CCDC171: variants seen among roughly 807,000 people sequenced by gnomAD.
CCDC171 encodes coiled-coil domain-containing protein 171.
Under a neutral mutation model 168.2 loss-of-function variants are expected in CCDC171, and 177 were observed. The ratio of observed to expected loss-of-function variants is 1.05; its 90% CI spans 0.93 to 1.19. CCDC171 has a LOEUF of 1.19. CCDC171 is among the 50% of genes most tolerant of loss of function. CCDC171 has a pLI of 0.00. For synonymous variants in CCDC171, 687 were observed against 540.8 expected, an observed-to-expected ratio of 1.27 and a Z score of -3.75; for missense variants, 1,991 against 1,539.0, an observed-to-expected ratio of 1.29 and a Z score of -4.91.
chr9:15,612,533 C>T (rs1301475502), intron 6 of CCDC171, among the ~76,000 whole-genome samples: 1 of 152,146 alleles, frequency 6.6e-6, no homozygotes, highest in Non-Finnish European at 1.5e-5. Context: ...ACTGCAGTCT[C>T]ACTTTTCATC....
chr9:15,650,150 C>G (rs551163476), intron 7 of CCDC171, among the ~76,000 whole-genome samples: 170 of 152,170 alleles, frequency 1.1e-3, no homozygotes, highest in African/African-American at 3.8e-3. Context: ...ATTGCAAGGA[C>G]AAAAAACCAA....
chr9:15,860,849 G>A (rs2130968205), intron 23 of CCDC171, among the ~76,000 whole-genome samples: 1 of 151,682 alleles, frequency 6.6e-6, no homozygotes, highest in East Asian at 1.9e-4. Context: ...GGGTAATGAA[G>A]TCTCCTACTA....
chr9:15,790,024 G>C (rs140321462), intron 21 of CCDC171, among the ~76,000 whole-genome samples: 8 of 152,026 alleles, frequency 5.3e-5, no homozygotes, highest in African/African-American at 4.8e-5. Context: ...GGGTTGGTTC[G>C]AAGTCTTTGC....
At chr9:15,605,688 A>G (rs2043176358) in intron 6 of CCDC171, among the ~76,000 whole-genome samples, 1 of 151,366 alleles carries the variant, frequency 6.6e-6, no homozygotes, top group Non-Finnish European at 1.5e-5. Context: ...CTCTGTCAAA[A>G]AAAAAAAAAG....
In CCDC171 at chr9:15,744,481, AT is replaced by A. The variant is rs1564328966; in HGVS notation, c.2262del (p.Leu755SerfsTer18). On this transcript the variant is annotated frameshift_variant, in exon 17 of 26. Transcript: ENST00000380701. LOFTEE classifies it high-confidence loss of function. ...TCATGCGCCTTGTCTACACAGAGAG[AT>A]TTTCTCCAGGAGCAGGTCAACACCT... The part of the protein sequence containing the change: ...SRSCALSTQR[D>X]FLQEQVNTFE... 6.2e-7 allele frequency: 1 copy of A among 1,614,126 alleles called. No homozygotes were observed. Among genetic ancestry groups the A allele is most frequent in the Non-Finnish European group, 8.5e-7 (1 of 1,180,016 alleles).
downstream of CCDC171, among the ~76,000 whole-genome samples, chr9:15,974,983 G>A (rs974275133): frequency 2.6e-5 from 4 of 151,922 alleles, no homozygotes; most frequent in African/African-American, 7.3e-5. Context: ...TGCCCAGGCC[G>A]GTCTTGAACT....
intron 25 of CCDC171, among the ~76,000 whole-genome samples, chr9:15,961,797 C>G (rs1339059345): frequency 6.6e-6 from 1 of 151,950 alleles, no homozygotes; most frequent in Non-Finnish European, 1.5e-5. Flanking sequence ...AACGTACTTA[C>G]TGTAGGTAAT....
intron 21 of CCDC171, among the ~76,000 whole-genome samples, chr9:15,837,683 C>T (rs990663092): frequency 6.6e-6 from 1 of 152,102 alleles, no homozygotes; most frequent in African/African-American, 2.4e-5. Flanking sequence ...TAGTTGTGAG[C>T]CTTCATCTTT....
At chr9:15,656,025 T>C (rs892691156) in intron 7 of CCDC171, among the ~76,000 whole-genome samples, 3 of 152,120 alleles carry the variant, frequency 2.0e-5, no homozygotes, top group Non-Finnish European at 4.4e-5. Flanking sequence ...GGCAGTTTCA[T>C]AATATTCAAT....
chr9:16,061,894 A>G (rs544877289), downstream of CCDC171, among the ~76,000 whole-genome samples: 4 of 152,292 alleles, frequency 2.6e-5, no homozygotes, highest in South Asian at 4.1e-4. Context: ...CAGAACTCCA[A>G]ATCCCTGGTT....
At chr9:16,076,881 T>G in the CCDC171 span, among the ~76,000 whole-genome samples, 1 of 152,238 alleles carries the variant, frequency 6.6e-6, no homozygotes, top group Non-Finnish European at 1.5e-5. Flanking sequence ...TGGACATTTC[T>G]CGTTCTTTTT....
At chr9:16,036,885 G>T (rs1385033404) in intron 8 of CCDC171, among the ~76,000 whole-genome samples, 1 of 152,170 alleles carries the variant, frequency 6.6e-6, no homozygotes, top group Non-Finnish European at 1.5e-5. Flanking sequence ...ACATGAATGA[G>T]CCTGGGGGAC....
intron 4 of CCDC171, among the ~76,000 whole-genome samples, chr9:15,586,811 T>G (rs1350626509): frequency 1.3e-5 from 2 of 152,040 alleles, no homozygotes; most frequent in African/African-American, 2.4e-5. Flanking sequence ...TAATTAATTA[T>G]TATTATTACT....
intron 1 of CCDC171, among the ~76,000 whole-genome samples, chr9:16,058,523 G>A (rs1016309089): frequency 6.6e-6 from 1 of 152,250 alleles, no homozygotes; most frequent in African/African-American, 2.4e-5. Flanking sequence ...CTGGTTCTCA[G>A]AGGAGGAGAT....
intron 24 of CCDC171, among the ~76,000 whole-genome samples, chr9:15,902,789 A>G (rs942582113): frequency 6.6e-6 from 1 of 152,188 alleles, no homozygotes; most frequent in African/African-American, 2.4e-5. Context: ...CTAGTCAAAG[A>G]AAGGGGTGAC....
In CCDC171 at chr9:15,725,034, A is replaced by T; in HGVS notation, c.1692+58A>T. On this transcript the variant is annotated intron_variant, in intron 14 of 25. Transcript: ENST00000380701. The stretch of plus-strand genomic sequence containing the variant: ...GGCCTTTCACTAATCTCAGTGTTAT[A>T]CATCAAGTGACTATTTTTACTTGTA... 5 of 1,193,546 alleles carry T rather than the reference A, an allele frequency of 4.2e-6. No homozygotes were observed. In the South Asian group the frequency reaches 6.4e-5, roughly 15 times the overall value. The allele number at this position is 1,193,546 out of a possible 1,614,324, so 73.9% of individuals were successfully genotyped here.
chr9:15,821,878 C>G (rs1159077844), intron 21 of CCDC171, among the ~76,000 whole-genome samples: 1 of 137,210 alleles, frequency 7.3e-6, no homozygotes, highest in Non-Finnish European at 1.6e-5. Flanking sequence ...ATCGCCAAGT[C>G]AATCCTAAGC....
chr9:15,761,495 G>T (rs150602128), intron 18 of CCDC171, among the ~76,000 whole-genome samples: 3 of 152,182 alleles, frequency 2.0e-5, no homozygotes, highest in African/African-American at 2.4e-5. Flanking sequence ...TCATCAACTG[G>T]GAATGTGATA....
chr9:15,727,968 G>C lies in CCDC171; in HGVS notation c.1792G>C (p.Glu598Gln). ...EGMLDKFSWS[E>Q]LCAVLQENVD... ...CATGCTGGATAAATTCTCTTGGTCTGAGCTTTGTGCAGTCTTACAGGAGAA... is the reference window on the plus strand; with the variant it reads ...CATGCTGGATAAATTCTCTTGGTCTCAGCTTTGTGCAGTCTTACAGGAGAA... The change falls in exon 15 of 26, where the codon GAG (glutamate) becomes CAG (glutamine). Residue 598 changes from glutamate to glutamine, a missense_variant. Transcript: ENST00000380701. The C allele has an allele frequency of 1.2e-6, 2 of 1,613,332 alleles. No individual in the cohort carries two copies. The highest frequency in any genetic ancestry group is 2.2e-5 in the South Asian group (2 of 91,008).
Sources: allele counts gnomAD v4.1 joint callset (sites outside exome capture counted in the v4.1 genomes callset), GRCh38; gene constraint gnomAD v4.1.1; transcripts MANE v1.5; gene names NCBI Gene and HGNC (gene_info 2026-07-23, HGNC 2026-07-21).